The following WDFY3 variants were observed in gnomAD, a reference collection of about 807,000 sequenced individuals.
WDFY3 encodes WD repeat and FYVE domain containing 3.
A neutral mutation model predicts 409.6 loss-of-function variants in WDFY3; 66 were observed. The observed-to-expected ratio is 0.16, with a 90% CI of 0.13 to 0.20. The LOEUF (loss-of-function observed/expected upper bound fraction) is 0.20, where lower values mean the gene tolerates loss of function less well. Among genes scored for constraint, WDFY3 ranks in the 10% least tolerant of loss-of-function variants. WDFY3 has a pLI of 1.00. For missense variants in WDFY3, 3,031 were observed against 4,298.1 expected (o/e 0.71, Z 8.24); for synonymous variants, 1,521 against 1,537.1 (o/e 0.99, Z 0.25).
intron 3 of WDFY3, among the ~76,000 whole-genome samples, chr4:84,896,081 C>A (rs1274556343): frequency 1.3e-5 from 2 of 151,904 alleles, no homozygotes; most frequent in Non-Finnish European, 2.9e-5. Context: ...CATGGTGAAA[C>A]CCCGTCTCTA....
chr4:84,766,067 T>C, intron 31 of WDFY3, 40 bp from the exon 32 acceptor site: 1 of 1,581,772 alleles, frequency 6.3e-7, no homozygotes, highest in Non-Finnish European at 8.6e-7. Flanking sequence ...AAAAACAAAA[T>C]TAATTTCAGA....
intron 45 of WDFY3, 152 bp from the exon 46 acceptor site, chr4:84,724,746 GTT>G (rs772900093): frequency 2.0e-4 from 146 of 717,428 alleles, no homozygotes; most frequent in Non-Finnish European, 2.7e-4. Context: ...ACACTTTTGG[GTT>G]AAGTTTCTCT....
chr4:84,715,533 G>A (rs1187370034), intron 49 of WDFY3, 150 bp from the exon 50 acceptor site: 3 of 476,322 alleles, frequency 6.3e-6, no homozygotes, highest in African/African-American at 2.0e-5. Context: ...CCAGCACTTT[G>A]GGAGGCCAAG....
At chr4:84,732,704 C>T (rs912307160) in intron 44 of WDFY3, among the ~76,000 whole-genome samples, 19 of 151,776 alleles carry the variant, frequency 1.3e-4, no homozygotes, top group Admixed American at 8.5e-4. Context: ...AAATGACAGG[C>T]TTTCCTTATT....
chr4:84,702,436 T>C lies in WDFY3; in HGVS notation c.8513A>G (p.His2838Arg). Reference protein sequence around the residue: ...VREAWYSASKHNMADVKELIP... With the variant: ...VREAWYSASKRNMADVKELIP... Reference sequence around the variant, plus strand: ...AAGTTCTTTTACATCTGCCATATTGTGCTTTGACGCTGAATACCAGGCCTC... The same window carrying C: ...AAGTTCTTTTACATCTGCCATATTGCGCTTTGACGCTGAATACCAGGCCTC... Residue 2838 changes from histidine (H) to arginine (R), a missense_variant, in exon 56 of 68, where the codon CAC becomes CGC. His to Arg is a conservative substitution (Grantham distance 29, BLOSUM62 0). Transcript: ENST00000295888. The C allele has an allele frequency of 1.2e-6, 2 of 1,613,942 alleles. No homozygotes were observed. Among genetic ancestry groups the C allele is most frequent in the South Asian group, 2.2e-5 (2 of 91,040 alleles).
At chr4:84,855,129 T>C (rs1424418393) in intron 4 of WDFY3, among the ~76,000 whole-genome samples, 1 of 152,214 alleles carries the variant, frequency 6.6e-6, no homozygotes, top group African/African-American at 2.4e-5. Context: ...CGTAGCACTA[T>C]TCAAGAACTT....
chr4:84,774,612 A>G (rs1377652326), intron 29 of WDFY3, among the ~76,000 whole-genome samples: 2 of 152,232 alleles, frequency 1.3e-5, no homozygotes, highest in Non-Finnish European at 1.5e-5. Flanking sequence ...ATATTCTACT[A>G]TTCACTAGTG....
In WDFY3 at chr4:84,670,023, T is replaced by C. The variant is rs1725231282; in HGVS notation, c.*2845A>G. 6.5e-6 allele frequency: 1 copy of C among 152,678 alleles called. No individual in the cohort carries two copies. Among genetic ancestry groups the C allele is most frequent in the Non-Finnish European group, 1.5e-5 (1 of 68,042 alleles). 9.5% of individuals were successfully genotyped at this position (152,678 alleles called of 1,614,324 possible). ...AGTTCATTTACCAAAACAAAATGTA[T>C]TTAAATGATACAAAGCAAAAATAAG... On this transcript the variant is annotated 3_prime_UTR_variant, in exon 68 of 68. Transcript: ENST00000295888.
rs199611362 is a variant in WDFY3 at position 84,803,243 on chromosome 4, C to G, written c.2607+47G>C. Reference sequence around the variant, plus strand: ...TCATATAATCATACTCACATCCTTTCATTCATTTCATTACAGACGGGAAGG... The same window carrying G: ...TCATATAATCATACTCACATCCTTTGATTCATTTCATTACAGACGGGAAGG... On this transcript the variant is annotated intron_variant, in intron 16 of 67. Coordinates refer to ENST00000295888, the MANE Select transcript of WDFY3 (RefSeq NM_014991.6). 1.1e-4 allele frequency: 167 copies of G among 1,530,046 alleles called. No individual in the cohort carries two copies. The Middle Eastern group carries it at 1.6e-3, about 15-fold the overall frequency. The allele number at this position is 1,530,046 out of a possible 1,614,324, so 94.8% of individuals were successfully genotyped here. A position where few individuals can be genotyped will look rare whatever the true frequency, so the allele number is the denominator to read the frequency against.
At chr4:84,703,400 T>A (rs1731388350) in intron 55 of WDFY3, among the ~76,000 whole-genome samples, 1 of 152,172 alleles carries the variant, frequency 6.6e-6, no homozygotes, top group Non-Finnish European at 1.5e-5. Context: ...CTGCTGTGTT[T>A]TAAGTTAACA....
At chr4:84,696,612 T>G in intron 57 of WDFY3, 120 bp downstream of exon 57, 1 of 937,326 alleles carries the variant, frequency 1.1e-6, no homozygotes. Flanking sequence ...CCCCTGTAGA[T>G]AAGGGGACCT....
intron 13 of WDFY3, among the ~76,000 whole-genome samples, chr4:84,813,572 A>G (rs1296951989): frequency 2.0e-5 from 3 of 152,194 alleles, no homozygotes; most frequent in East Asian, 3.9e-4. Context: ...ATAGGCCACA[A>G]TGTGAGTATT....
At chr4:84,952,805 T>G (rs1474392505) in intron 1 of WDFY3, among the ~76,000 whole-genome samples, 2 of 152,160 alleles carry the variant, frequency 1.3e-5, no homozygotes, top group Non-Finnish European at 2.9e-5. Flanking sequence ...CATCTGTCAT[T>G]AATGTAGCAG....
intron 3 of WDFY3, among the ~76,000 whole-genome samples, chr4:84,863,275 T>A (rs894296708): frequency 7.9e-5 from 12 of 152,224 alleles, no homozygotes; most frequent in African/African-American, 2.9e-4. Flanking sequence ...ATAATTCTAT[T>A]TTTAATTTCT....
intron 47 of WDFY3, 147 bp downstream of exon 47, chr4:84,721,262 A>C: frequency 9.9e-7 from 1 of 1,008,104 alleles, no homozygotes; most frequent in South Asian, 1.7e-5. Context: ...TGAGAAAAGT[A>C]GAGTACTGAA....
At chr4:84,678,116 C>T (rs1258457033) in intron 66 of WDFY3, 52 bp downstream of exon 66, 4 of 1,443,832 alleles carry the variant, frequency 2.8e-6, no homozygotes, top group East Asian at 4.5e-5. Context: ...TGGCCCTTGG[C>T]TAACCAAATG....
At chr4:84,854,088 G>A (rs1560930420) in intron 4 of WDFY3, among the ~76,000 whole-genome samples, 1 of 152,132 alleles carries the variant, frequency 6.6e-6, no homozygotes, top group Non-Finnish European at 1.5e-5. Flanking sequence ...AGAATGCCTG[G>A]GGTGGGAAGA....
intron 3 of WDFY3, among the ~76,000 whole-genome samples, chr4:84,865,178 C>T (rs1295755149): frequency 3.3e-5 from 5 of 152,018 alleles, no homozygotes; most frequent in Admixed American, 3.3e-4. Flanking sequence ...TATGAGCCAC[C>T]GCACCTGGCC....
intron 1 of WDFY3, among the ~76,000 whole-genome samples, chr4:84,932,935 G>C (rs1770950654): frequency 6.6e-6 from 1 of 152,058 alleles, no homozygotes; most frequent in African/African-American, 2.4e-5. Context: ...TCATTTACCA[G>C]TCAATATTTC....
Sources: gnomAD v4.1 joint callset for allele counts (sites outside exome capture counted in the v4.1 genomes callset) on GRCh38, gnomAD v4.1.1 for gene constraint, MANE v1.5 for transcripts, NCBI Gene and HGNC (gene_info 2026-07-23, HGNC 2026-07-21) for gene names.